NRXN3: variants seen among roughly 807,000 people sequenced by gnomAD.
NRXN3 encodes neurexin 3.
Under a neutral mutation model 137.6 loss-of-function variants are expected in NRXN3, and 32 were observed. The ratio of observed to expected loss-of-function variants is 0.23; its 90% CI spans 0.18 to 0.31. The LOEUF is 0.31. Among genes scored for constraint, NRXN3 ranks in the 10% least tolerant of loss-of-function variants. NRXN3 has a pLI of 1.00. For missense variants in NRXN3, 1,574 were observed against 2,062.5 expected, an observed-to-expected ratio of 0.76 and a Z score of 4.59; for synonymous variants, 798 against 784.5, an observed-to-expected ratio of 1.02 and a Z score of -0.29.
At chr14:78,650,395 G>C (rs985085682) in intron 5 of NRXN3, among the ~76,000 whole-genome samples, 37 of 152,046 alleles carry the variant, frequency 2.4e-4, no homozygotes, top group African/African-American at 8.7e-4. Flanking sequence ...GGGTAAAAGG[G>C]TGCTATTTCT....
At chr14:78,816,715 T>G (rs2098934562) in intron 10 of NRXN3, among the ~76,000 whole-genome samples, 2 of 152,174 alleles carry the variant, frequency 1.3e-5, no homozygotes, top group African/African-American at 2.4e-5. Context: ...ATTATAAATA[T>G]TGATATATAT....
At chr14:78,263,391 A>G (rs903375186) in intron 2 of NRXN3, among the ~76,000 whole-genome samples, 2 of 152,204 alleles carry the variant, frequency 1.3e-5, no homozygotes, top group African/African-American at 4.8e-5. Flanking sequence ...ATTCAGCATT[A>G]ATCAAGATAC....
chr14:78,249,829 A>G (rs536979211), intron 2 of NRXN3, among the ~76,000 whole-genome samples: 2 of 152,278 alleles, frequency 1.3e-5, no homozygotes, highest in Non-Finnish European at 2.9e-5. Flanking sequence ...GAAATTGGGA[A>G]CTTGAACCCC....
intron 4 of NRXN3, among the ~76,000 whole-genome samples, chr14:78,444,306 G>A (rs2094348441): frequency 6.6e-6 from 1 of 152,198 alleles, no homozygotes; most frequent in Non-Finnish European, 1.5e-5. Context: ...TAGCAGAGAG[G>A]CTGCCCTCCT....
chr14:79,664,019 T>C, intron 17 of NRXN3, 70 bp downstream of exon 17: 7 of 1,502,568 alleles, frequency 4.7e-6, no homozygotes, highest in Non-Finnish European at 6.4e-6. Context: ...TGGTGATTTT[T>C]CTCATGACTG....
At chr14:79,041,825 T>C (rs2099625516) in intron 15 of NRXN3, among the ~76,000 whole-genome samples, 1 of 152,212 alleles carries the variant, frequency 6.6e-6, no homozygotes, top group Non-Finnish European at 1.5e-5. Flanking sequence ...ATATAAATAA[T>C]GATTCTGGGA....
intron 18 of NRXN3, among the ~76,000 whole-genome samples, chr14:79,695,290 A>T (rs543260425): frequency 6.6e-6 from 1 of 152,148 alleles, no homozygotes; most frequent in South Asian, 2.1e-4. Flanking sequence ...GAGAACTATT[A>T]TAGAGGTTAT....
intron 20 of NRXN3, among the ~76,000 whole-genome samples, chr14:79,848,385 C>T (rs2099384785): frequency 6.6e-6 from 1 of 152,134 alleles, no homozygotes; most frequent in African/African-American, 2.4e-5. Flanking sequence ...GCATGCAGCC[C>T]AGGACAGCTT....
chr14:79,843,574 C>A (rs1291023325), intron 20 of NRXN3, among the ~76,000 whole-genome samples: 1 of 152,110 alleles, frequency 6.6e-6, no homozygotes, highest in East Asian at 1.9e-4. Context: ...AGAGTACAAC[C>A]TCTTTCAAAA....
chr14:79,816,756 T>A (rs544004227), intron 20 of NRXN3, among the ~76,000 whole-genome samples: 143 of 152,336 alleles, frequency 9.4e-4, no homozygotes, highest in Non-Finnish European at 1.2e-3. Flanking sequence ...ATTAACCAAC[T>A]GCACAGTGAA....
intron 3 of NRXN3, among the ~76,000 whole-genome samples, chr14:78,287,467 G>C (rs2075302124): frequency 6.6e-6 from 1 of 152,168 alleles, no homozygotes; most frequent in African/African-American, 2.4e-5. Flanking sequence ...ATAAACCTGT[G>C]GTTAGAATCA....
At chr14:79,041,158 A>AT (rs2099624437) in intron 15 of NRXN3, among the ~76,000 whole-genome samples, 1 of 152,190 alleles carries the variant, frequency 6.6e-6, no homozygotes, top group East Asian at 1.9e-4. Context: ...CTTAAAAAAC[A>AT]TTTTTTGCAG....
At position 79,587,778 on chromosome 14, in the gene NRXN3, A is replaced by T. The variant is rs556286367; in HGVS notation, c.3445-76000A>T. Among the ~76,000 whole-genome samples the T allele has an allele frequency of 2.6e-5, 4 of 152,356 alleles. No individual in the cohort carries two copies. In the East Asian group the frequency reaches 7.7e-4, roughly 29 times the overall value. ...ACACCAGCAAATCTTGGTGAGCAGA[A>T]ATCAGTAGACTGTCCATAGTGGGAT... On this transcript the variant is annotated intron_variant, in intron 16 of 20. Transcript: ENST00000335750.
At chr14:78,781,514 G>T (rs912161504) in intron 8 of NRXN3, among the ~76,000 whole-genome samples, 2 of 152,168 alleles carry the variant, frequency 1.3e-5, no homozygotes, top group Non-Finnish European at 2.9e-5. Flanking sequence ...TGTGCTGAGT[G>T]CTCTACTAGG....
chr14:78,463,847 C>A (rs551067320), intron 4 of NRXN3, among the ~76,000 whole-genome samples: 1 of 151,152 alleles, frequency 6.6e-6, no homozygotes, highest in East Asian at 1.9e-4. Flanking sequence ...CAAAGGGACA[C>A]TGGCCTCCTC....
At chr14:79,457,018 C>G (rs569522163) in intron 15 of NRXN3, among the ~76,000 whole-genome samples, 52 of 148,616 alleles carry the variant, frequency 3.5e-4, no homozygotes, top group Admixed American at 9.5e-4. Flanking sequence ...CAGAGAGGCA[C>G]TGATGGAGTG....
intron 4 of NRXN3, among the ~76,000 whole-genome samples, chr14:78,331,157 A>G (rs2080775634): frequency 6.6e-6 from 1 of 152,198 alleles, no homozygotes; most frequent in Non-Finnish European, 1.5e-5. Flanking sequence ...TCACCAAAAT[A>G]TATGAGTTGA....
rs552676203 is a variant in NRXN3, at chr14:79,132,152, G to A, written c.3262+144011G>A. Among the ~76,000 whole-genome samples, 64 of 152,362 alleles carry A rather than the reference G, an allele frequency of 4.2e-4. No individual in the cohort carries two copies. The East Asian group carries it at 6.6e-3, about 16-fold the overall frequency. ...ATTACCCGTCTTCTGCGTTGCTCAC[G>A]CTGGGAGCTGTAGACCAGAGCTGTT... On this transcript the variant is annotated intron_variant, in intron 15 of 20. Coordinates refer to ENST00000335750, the MANE Select transcript of NRXN3 (RefSeq NM_001330195.2).
intron 20 of NRXN3, among the ~76,000 whole-genome samples, chr14:79,826,596 C>T (rs182549007): frequency 6.6e-6 from 1 of 152,298 alleles, no homozygotes; most frequent in East Asian, 1.9e-4. Flanking sequence ...CTTTCTCTTA[C>T]AAAATCAGAG....
Sources: allele counts gnomAD v4.1 joint callset (sites outside exome capture counted in the v4.1 genomes callset), GRCh38; gene constraint gnomAD v4.1.1; transcripts MANE v1.5; gene names NCBI Gene and HGNC (gene_info 2026-07-23, HGNC 2026-07-21).